The following PIP5K1A variants were observed in gnomAD, a reference collection of about 807,000 sequenced individuals.
PIP5K1A encodes the protein phosphatidylinositol-4-phosphate 5-kinase type 1 alpha.
In PIP5K1A, 46 loss-of-function variants were observed where a neutral mutation model predicts 72.9. That is an observed-to-expected ratio of 0.63 (90% confidence interval 0.50 to 0.81). PIP5K1A has a LOEUF of 0.81. Ranked by LOEUF, PIP5K1A falls within the 30% of genes least tolerant of loss-of-function variation. PIP5K1A has a pLI of 0.00. For missense variants in PIP5K1A, 458 were observed against 706.1 expected, an observed-to-expected ratio of 0.65 and a Z score of 3.98; for synonymous variants, 228 against 255.1, an observed-to-expected ratio of 0.89 and a Z score of 1.01.
chr1:151,229,167 CAAAA>C lies in PIP5K1A; in HGVS notation c.237+1790_237+1793del, dbSNP rs34356281. Among the ~76,000 whole-genome samples, 28 of 41,364 alleles carry C rather than the reference CAAAA, an allele frequency of 6.8e-4. No homozygotes were observed. The South Asian group carries it at 0.011, about 17-fold the overall frequency. 27.1% of individuals were successfully genotyped at this position (41,364 alleles called of 152,430 possible). A position where few individuals can be genotyped will look rare whatever the true frequency, so the allele number is the denominator to read the frequency against. On this transcript the variant is annotated intron_variant, in intron 4 of 15. Transcript: ENST00000368888. ...TGGGCAACAGAGCGAGACCCCGTCT[CAAAA>C]AAAAAAAAAAAAAAAAAAAAAACAG...
rs587629668 is a variant in PIP5K1A, at chr1:151,242,214, A to G, written c.1455A>G (p.Pro485=). Residue 485 remains proline (P), a synonymous_variant, in exon 13 of 16, where the codon CCA becomes CCG. Coordinates refer to ENST00000368888, the MANE Select transcript of PIP5K1A (RefSeq NM_001135638.2). ...GCAACTCCTGCATTACTTACCAGCC[A>G]TCGGTCTCTGGGGAACACAAGGCAC... ...SSGNSCITYQ[P]SVSGEHKAQV... is the part of the protein sequence containing the mutation. 113 of 1,614,158 alleles carry G rather than the reference A, an allele frequency of 7.0e-5. 1 individual carries two copies. The South Asian group carries it at 1.1e-3, about 16-fold the overall frequency.
Position 151,224,266 on chromosome 1 carries a change from C to G in PIP5K1A, c.107C>G (p.Pro36Arg), listed in dbSNP as rs771475886. 1 of 1,613,364 alleles carries G rather than the reference C, an allele frequency of 6.2e-7. No homozygotes were observed. Among genetic ancestry groups the G allele is most frequent in the Non-Finnish European group, 8.5e-7 (1 of 1,179,504 alleles). Residue 36 changes from proline to arginine, a missense_variant, in exon 2 of 16, where the codon CCC becomes CGC. Physicochemically the swap from Pro to Arg is moderately radical, Grantham distance 103. Transcript: ENST00000368888. Reference protein sequence around the residue: ...LSSAASGIKRPMASEVLEARQ... With the variant: ...LSSAASGIKRRMASEVLEARQ... ...CTAGCAGCATCTGGAATCAAGAGAC[C>G]CATGGCATCTGAGGTGAGTTTCATA...
chr1:151,217,142 G>A (rs1165483826), intron 1 of PIP5K1A, among the ~76,000 whole-genome samples: 2 of 151,952 alleles, frequency 1.3e-5, no homozygotes, highest in East Asian at 3.9e-4. Flanking sequence ...TGAACTCTTG[G>A]CCTCAAGTGA....
intron 7 of PIP5K1A, chr1:151,233,813 T>C (rs1040880998): frequency 6.0e-5 from 11 of 183,370 alleles, no homozygotes; most frequent in South Asian, 5.3e-4. Context: ...TAATACTCTC[T>C]GCAGCCTTAC....
intron 1 of PIP5K1A, 50 bp downstream of exon 1, chr1:151,199,131 G>T: frequency 6.2e-7 from 1 of 1,612,712 alleles, no homozygotes; most frequent in Admixed American, 1.7e-5. Context: ...TATGCGATGG[G>T]AGGAAGAGCG....
intron 1 of PIP5K1A, chr1:151,213,600 G>A (rs1687163120): frequency 6.6e-6 from 1 of 151,978 alleles, no homozygotes; most frequent in Non-Finnish European, 1.5e-5. Context: ...TGAGAAAGAG[G>A]GTATGAGAAC....
At chr1:151,240,206 A>G in intron 12 of PIP5K1A, 167 bp downstream of exon 12, 1 of 599,058 alleles carries the variant, frequency 1.7e-6, no homozygotes, top group Non-Finnish European at 2.9e-6. Context: ...AGTCTGTCAT[A>G]GTCATTTCCA....
chr1:151,236,682 C>G lies in PIP5K1A; in HGVS notation c.1064C>G (p.Pro355Arg), dbSNP rs1215805107. The change falls in exon 9 of 16, where the codon CCC (proline) becomes CGC (arginine). Residue 355 changes from proline to arginine, a missense_variant. This residue lies in a region of PIP5K1A where 220 missense variants were observed against 442.6 expected (regional missense o/e 0.50). Coordinates refer to ENST00000368888, the MANE Select transcript of PIP5K1A (RefSeq NM_001135638.2). ...TCAGTTGATACTCGAAGACCGGCCC[C>G]CCAAAAGGCTCTGTATTCCACAGCC... ...QYSVDTRRPA[P>R]QKALYSTAME... is the part of the protein sequence containing the mutation. 2 of 1,613,876 alleles carry G rather than the reference C, an allele frequency of 1.2e-6. No homozygotes were observed. The highest frequency in any genetic ancestry group is 1.7e-6 in the Non-Finnish European group (2 of 1,179,992).
chr1:151,233,953 A>G (rs1350348451), intron 7 of PIP5K1A, among the ~76,000 whole-genome samples: 2 of 152,096 alleles, frequency 1.3e-5, no homozygotes, highest in East Asian at 3.8e-4. Context: ...AAATATATCC[A>G]TCTTATATTG....
intron 3 of PIP5K1A, among the ~76,000 whole-genome samples, chr1:151,225,367 A>G (rs1235660817): frequency 6.6e-6 from 1 of 151,930 alleles, no homozygotes; most frequent in East Asian, 1.9e-4. Flanking sequence ...TTATAAACTT[A>G]ATGAGTATTG....
intron 1 of PIP5K1A, among the ~76,000 whole-genome samples, chr1:151,201,734 G>A (rs1309206896): frequency 1.3e-5 from 2 of 151,974 alleles, no homozygotes; most frequent in African/African-American, 4.8e-5. Context: ...TGTTGGCGCA[G>A]GCCTGTAATC....
intron 8 of PIP5K1A, 116 bp from the exon 9 acceptor site, chr1:151,236,442 C>G: frequency 2.9e-6 from 2 of 683,668 alleles, no homozygotes; most frequent in Non-Finnish European, 5.0e-6. Flanking sequence ...CACCACTGCA[C>G]TCTAGCCTGG....
Position 151,242,150 on chromosome 1 carries a change from G to A in PIP5K1A, c.1391G>A (p.Arg464Gln), listed in dbSNP as rs1057071633. 6.8e-6 allele frequency: 11 copies of A among 1,614,028 alleles called. No individual in the cohort carries two copies. The highest frequency in any genetic ancestry group is 9.3e-6 in the Non-Finnish European group (11 of 1,180,006). ...PLKPSPSKKF[R>Q]SGSSFSRRAG... ...AAGCCTTCTCCTTCCAAAAAGTTTC[G>A]GTCTGGCTCATCTTTCTCTCGGCGA... The change falls in exon 13 of 16, where the codon CGG (arginine) becomes CAG (glutamine). Residue 464 changes from arginine to glutamine, a missense_variant. This residue lies in a region of PIP5K1A where 157 missense variants were observed against 175.5 expected (regional missense o/e 0.89). Transcript: ENST00000368888.
upstream of PIP5K1A, among the ~76,000 whole-genome samples, chr1:151,197,578 C>T (rs998721712): frequency 6.6e-6 from 1 of 152,256 alleles, no homozygotes; most frequent in African/African-American, 2.4e-5. Context: ...CGCGCCCGGC[C>T]ACAAAACCTG....
upstream of PIP5K1A, among the ~76,000 whole-genome samples, chr1:151,197,425 G>A (rs971571329): frequency 6.6e-6 from 1 of 151,656 alleles, no homozygotes. Flanking sequence ...GACTACAGGC[G>A]CCCGCCACCA....
At position 151,236,599 on chromosome 1, in the gene PIP5K1A, G is replaced by A; in HGVS notation, c.981G>A (p.Met327Ile). 6.2e-7 allele frequency: 1 copy of A among 1,611,894 alleles called. No homozygotes were observed. Among genetic ancestry groups the A allele is most frequent in the South Asian group, 1.1e-5 (1 of 91,054 alleles). Reference sequence around the variant, plus strand: ...AGATAATGGATTACAGCCTCTTGATGTCAATCCATAATATAGATCATGCAC... The same window carrying A: ...AGATAATGGATTACAGCCTCTTGATATCAATCCATAATATAGATCATGCAC... ...SFKIMDYSLL[M>I]SIHNIDHAQR... The change falls in exon 9 of 16, where the codon ATG becomes ATA. Residue 327 changes from methionine to isoleucine, a missense_variant. Met to Ile is a conservative substitution (Grantham distance 10). Transcript: ENST00000368888.
Position 151,234,261 on chromosome 1 carries a change from G to A in PIP5K1A, c.704G>A (p.Gly235Asp). ...TATGGACTGTACTGTGTGCAGGCAG[G>A]TGGCAAGAACATTCGGATTGTGGTG... ...KFYGLYCVQA[G>D]GKNIRIVVMN... is the part of the protein sequence containing the mutation. The change falls in exon 8 of 16, where the codon GGT becomes GAT. Residue 235 changes from glycine (G) to aspartate (D), a missense_variant. Gly to Asp is a moderately conservative substitution (Grantham distance 94). This residue lies in a region of PIP5K1A where 220 missense variants were observed against 442.6 expected (regional missense o/e 0.50). Coordinates refer to ENST00000368888, the MANE Select transcript of PIP5K1A (RefSeq NM_001135638.2). 1.2e-6 allele frequency: 2 copies of A among 1,613,916 alleles called. No homozygotes were observed. Among genetic ancestry groups the A allele is most frequent in the South Asian group, 2.2e-5 (2 of 91,090 alleles).
At chr1:151,199,403 A>G (rs1335542812) in intron 1 of PIP5K1A, among the ~76,000 whole-genome samples, 1 of 152,170 alleles carries the variant, frequency 6.6e-6, no homozygotes, top group Non-Finnish European at 1.5e-5. Context: ...ATTTGAGGTC[A>G]GAAGTTCGAG....
chr1:151,247,316 G>A (rs753602641), intron 15 of PIP5K1A, among the ~76,000 whole-genome samples: 3 of 151,908 alleles, frequency 2.0e-5, no homozygotes, highest in East Asian at 1.9e-4. Flanking sequence ...TTTAGTAGGC[G>A]CAGGGTTTCA....
Sources: allele counts gnomAD v4.1 joint callset (sites outside exome capture counted in the v4.1 genomes callset), GRCh38; gene constraint gnomAD v4.1.1; regional missense constraint gnomAD v4.1.1; transcripts MANE v1.5; gene names NCBI Gene and HGNC (gene_info 2026-07-23, HGNC 2026-07-21).